XKRX: variants seen among roughly 807,000 people sequenced by gnomAD.
The protein encoded by XKRX is XK related X-linked.
Under a neutral mutation model 22.4 loss-of-function variants are expected in XKRX, and 11 were observed. The ratio of observed to expected loss-of-function variants is 0.49; its 90% CI spans 0.31 to 0.81. XKRX has a LOEUF of 0.81. Ranked by LOEUF, XKRX falls within the 40% of genes least tolerant of loss-of-function variation. XKRX has a pLI of 0.05. For synonymous variants in XKRX, 114 were observed against 132.2 expected, an observed-to-expected ratio of 0.86 and a Z score of 0.94; for missense variants, 320 against 336.5, an observed-to-expected ratio of 0.95 and a Z score of 0.38.
chrX:100,890,356 A>C, the XKRX span, among the ~76,000 whole-genome samples: 2 of 110,714 alleles, frequency 1.8e-5, no homozygotes, highest in Non-Finnish European at 3.8e-5. Context: ...ATTAGCAATC[A>C]GGGACCAAAA....
chrX:100,953,278 A>G, the XKRX span, among the ~76,000 whole-genome samples: 1 of 111,472 alleles, frequency 9.0e-6, no homozygotes, highest in Non-Finnish European at 1.9e-5. Context: ...ACAAAGTGGG[A>G]CACTGTCTAA....
the XKRX span, among the ~76,000 whole-genome samples, chrX:100,887,023 G>C: frequency 8.9e-6 from 1 of 112,355 alleles, no homozygotes; most frequent in South Asian, 3.7e-4. Context: ...ATTCAATTTA[G>C]ATATATTGCA....
At chrX:100,908,138 T>TGTGTGTGTGTG in the XKRX span, among the ~76,000 whole-genome samples, 3 of 109,174 alleles carry the variant, frequency 2.7e-5, no homozygotes, top group Non-Finnish European at 3.8e-5. Context: ...TGTGTGTGTG[T>TGTGTGTGTGTG]TTGAAACGGA....
chrX:100,924,257 GCAA>G (rs907505385), intron 1 of XKRX, among the ~76,000 whole-genome samples: 4 of 110,896 alleles, frequency 3.6e-5, no homozygotes, highest in African/African-American at 1.3e-4. Context: ...AGCCATCAAA[GCAA>G]CAAAAGTACT....
the XKRX span, among the ~76,000 whole-genome samples, chrX:100,954,347 A>G: frequency 9.1e-5 from 10 of 110,198 alleles, no homozygotes; most frequent in Admixed American, 9.7e-4. Context: ...TGAACCTGGG[A>G]GGCAGAAGTT....
the XKRX span, among the ~76,000 whole-genome samples, chrX:100,945,094 T>C: frequency 9.1e-6 from 1 of 110,188 alleles, no homozygotes; most frequent in African/African-American, 3.3e-5. Context: ...CTTTTTTTTT[T>C]TAAGACAAGT....
the XKRX span, among the ~76,000 whole-genome samples, chrX:100,950,878 G>A: frequency 1.8e-5 from 2 of 111,254 alleles, no homozygotes; most frequent in Non-Finnish European, 3.8e-5. Context: ...CAAAATGTAC[G>A]GAATGCAGCT....
At chrX:100,935,291 C>T in the XKRX span, among the ~76,000 whole-genome samples, 2 of 109,607 alleles carry the variant, frequency 1.8e-5, no homozygotes, top group Non-Finnish European at 3.8e-5. Flanking sequence ...AGCAGGTCCC[C>T]CTTGCAGTCA....
intron 2 of XKRX, among the ~76,000 whole-genome samples, chrX:100,919,550 C>A (rs1480246401): frequency 9.0e-6 from 1 of 111,264 alleles, no homozygotes; most frequent in African/African-American, 3.3e-5. Flanking sequence ...AAGTAAATAG[C>A]TCCTAAAAAT....
At chrX:100,893,047 G>A in the XKRX span, among the ~76,000 whole-genome samples, 1 of 111,962 alleles carries the variant, frequency 8.9e-6, no homozygotes, top group African/African-American at 3.2e-5. Context: ...AAACCTAGAG[G>A]ATATTACACT....
downstream of XKRX, among the ~76,000 whole-genome samples, chrX:100,912,166 G>C (rs1349359573): frequency 9.0e-6 from 1 of 111,720 alleles, no homozygotes; most frequent in African/African-American, 3.3e-5. Context: ...AGAAATTCTT[G>C]CTTGAATTCC....
chrX:100,916,845 G>A lies in XKRX; in HGVS notation c.605-1762C>T, dbSNP rs141676660. ...CATAAAATACCTAATTAGGCTGGGC[G>A]CGGTGACTCATGCCTGTAATCCCAG... On this transcript the variant is annotated intron_variant, in intron 2 of 2. Coordinates refer to ENST00000372956, the MANE Select transcript of XKRX (RefSeq NM_212559.3). Among the ~76,000 whole-genome samples the A allele has an allele frequency of 9.0e-3, 1,014 of 112,599 alleles. 12 individuals carry two copies. Among genetic ancestry groups the A allele is most frequent in the African/African-American group, 0.031 (957 of 31,056 alleles).
chrX:100,890,153 G>A, the XKRX span, among the ~76,000 whole-genome samples: 2 of 111,621 alleles, frequency 1.8e-5, no homozygotes, highest in African/African-American at 6.5e-5. Context: ...GGTAAGTTCA[G>A]AGAGGTAGAT....
Position 100,914,139 on chromosome X carries a change from A to G in XKRX, c.*199T>C, listed in dbSNP as rs2085418758. ...TGACCCTTTCAACTATATAGTCGAT[A>G]CCCCCTGTTTCCAAACATAGTGGTA... On this transcript the variant is annotated 3_prime_UTR_variant, in exon 3 of 3. Transcript: ENST00000372956. 1 of 480,458 alleles carries G rather than the reference A, an allele frequency of 2.1e-6. No homozygotes were observed. Among genetic ancestry groups the G allele is most frequent in the African/African-American group, 2.3e-5 (1 of 42,577 alleles). 39.6% of individuals were successfully genotyped at this position (480,458 alleles called of 1,213,427 possible). A position where few individuals can be genotyped will look rare whatever the true frequency, so the allele number is the denominator to read the frequency against.
At chrX:100,930,562 G>A (rs958884519), upstream of XKRX, among the ~76,000 whole-genome samples, 3 of 111,154 alleles carry the variant, frequency 2.7e-5, no homozygotes, top group Non-Finnish European at 5.7e-5. Flanking sequence ...AGCAGACTCC[G>A]CATCTTGGTC....
At chrX:100,891,972 A>T in the XKRX span, among the ~76,000 whole-genome samples, 5 of 111,479 alleles carry the variant, frequency 4.5e-5, no homozygotes, top group Non-Finnish European at 9.4e-5. Context: ...AAGCTTCTTG[A>T]CATTGGTCTA....
chrX:100,896,754 C>T, the XKRX span, among the ~76,000 whole-genome samples: 49 of 111,478 alleles, frequency 4.4e-4, no homozygotes, highest in African/African-American at 1.4e-3. Context: ...TGTTTGAGCC[C>T]GGGAGTTTGA....
At chrX:100,893,394 A>T in the XKRX span, among the ~76,000 whole-genome samples, 2 of 112,137 alleles carry the variant, frequency 1.8e-5, no homozygotes, top group Non-Finnish European at 3.8e-5. Flanking sequence ...TCTACAAAAA[A>T]ACAGTATGGA....
At chrX:100,896,733 G>A in the XKRX span, among the ~76,000 whole-genome samples, 1 of 111,780 alleles carries the variant, frequency 8.9e-6, no homozygotes, top group South Asian at 3.8e-4. Context: ...AGGAGACTGT[G>A]GCAGGAGGAT....
Sources: gnomAD v4.1 joint callset for allele counts (sites outside exome capture counted in the v4.1 genomes callset) on GRCh38, gnomAD v4.1.1 for gene constraint, MANE v1.5 for transcripts, NCBI Gene and HGNC (gene_info 2026-07-23, HGNC 2026-07-21) for gene names.